DCC: variants seen among roughly 807,000 people sequenced by gnomAD.
The protein encoded by DCC is DCC netrin 1 receptor, also known as netrin receptor DCC.
In DCC, 58 loss-of-function variants were observed where a neutral mutation model predicts 172.5. That is an observed-to-expected ratio of 0.34 (90% CI 0.27 to 0.42). DCC has a LOEUF of 0.42. Ranked by LOEUF, DCC falls within the 10% of genes least tolerant of loss-of-function variation. The probability of loss-of-function intolerance (pLI) is 1.00; values close to 1 mark genes in which losing one functional copy is unlikely to be tolerated. For missense variants in DCC, 1,740 were observed against 1,791.0 expected (o/e 0.97, Z 0.51); for synonymous variants, 709 against 644.5 (o/e 1.10, Z -1.52).
At chr18:53,396,935 T>C (rs17414727) in intron 17 of DCC, among the ~76,000 whole-genome samples, 64,462 of 151,754 alleles carry the variant, frequency 0.42, 15,453 homozygotes, top group Non-Finnish European at 0.55. Context: ...GTATTTAACT[T>C]TGAAAAAAGA....
intron 16 of DCC, among the ~76,000 whole-genome samples, chr18:53,387,102 G>C (rs1410377916): frequency 6.6e-6 from 1 of 152,218 alleles, no homozygotes; most frequent in African/African-American, 2.4e-5. Flanking sequence ...GAGAACGTGA[G>C]ATGTTACTGA....
intron 2 of DCC, among the ~76,000 whole-genome samples, chr18:52,901,385 G>A (rs1013010738): frequency 2.0e-5 from 3 of 152,078 alleles, no homozygotes; most frequent in African/African-American, 7.2e-5. Flanking sequence ...AGCTGAGATC[G>A]TGCCAACACA....
chr18:53,101,163 C>T (rs938289216), intron 7 of DCC, among the ~76,000 whole-genome samples: 3 of 152,098 alleles, frequency 2.0e-5, no homozygotes, highest in Non-Finnish European at 2.9e-5. Context: ...ACAGAGGCAT[C>T]TCCTTCCAGC....
intron 5 of DCC, among the ~76,000 whole-genome samples, chr18:53,050,539 C>T (rs1440865823): frequency 6.6e-6 from 1 of 151,982 alleles, no homozygotes; most frequent in African/African-American, 2.4e-5. Context: ...TGTGGCAATT[C>T]TGAATGGGAT....
intron 23 of DCC, among the ~76,000 whole-genome samples, chr18:53,456,225 G>A (rs1038298491): frequency 1.2e-4 from 18 of 152,308 alleles, no homozygotes; most frequent in Non-Finnish European, 2.4e-4. Flanking sequence ...TTGCAAGTTA[G>A]GATTTTGAAG....
intron 1 of DCC, among the ~76,000 whole-genome samples, chr18:52,584,030 T>G (rs1172505163): frequency 6.6e-6 from 1 of 152,198 alleles, no homozygotes; most frequent in East Asian, 1.9e-4. Context: ...TGAAACAGCA[T>G]TTTTTTCATA....
At chr18:52,574,930 G>A (rs769473037) in intron 1 of DCC, among the ~76,000 whole-genome samples, 1 of 152,082 alleles carries the variant, frequency 6.6e-6, no homozygotes, top group Non-Finnish European at 1.5e-5. Flanking sequence ...CAAAGTCATA[G>A]ACCTTCTGAA....
intron 1 of DCC, among the ~76,000 whole-genome samples, chr18:52,527,311 G>A (rs2032012708): frequency 6.6e-6 from 1 of 152,154 alleles, no homozygotes; most frequent in African/African-American, 2.4e-5. Flanking sequence ...AACAAACATA[G>A]CCTTTTTTGA....
At chr18:52,933,290 A>G (rs2040334650) in intron 5 of DCC, among the ~76,000 whole-genome samples, 1 of 152,054 alleles carries the variant, frequency 6.6e-6, no homozygotes, top group African/African-American at 2.4e-5. Flanking sequence ...CCAAGCCTCA[A>G]GGATAGGTAG....
chr18:53,174,332 A>G (rs2144456942), intron 8 of DCC, among the ~76,000 whole-genome samples: 1 of 150,272 alleles, frequency 6.7e-6, no homozygotes, highest in African/African-American at 2.5e-5. Flanking sequence ...CTAAAATCAG[A>G]GCAGAATTGA....
At chr18:53,366,497 G>T (rs1331811926) in intron 15 of DCC, among the ~76,000 whole-genome samples, 1 of 152,102 alleles carries the variant, frequency 6.6e-6, no homozygotes, top group Admixed American at 6.6e-5. Flanking sequence ...TAAAGAAATG[G>T]CCCATGACTT....
intron 21 of DCC, among the ~76,000 whole-genome samples, chr18:53,420,478 C>A (rs192850316): frequency 1.8e-4 from 28 of 152,248 alleles, no homozygotes; most frequent in Non-Finnish European, 3.8e-4. Context: ...ACGCTATATA[C>A]TGGGTGGGTT....
At chr18:52,581,761 A>C (rs1199581174) in intron 1 of DCC, among the ~76,000 whole-genome samples, 1 of 152,110 alleles carries the variant, frequency 6.6e-6, no homozygotes, top group Non-Finnish European at 1.5e-5. Context: ...AGTGATTCTG[A>C]GTTAAACTTT....
intron 2 of DCC, among the ~76,000 whole-genome samples, chr18:52,831,036 A>G (rs1420850910): frequency 6.6e-6 from 1 of 152,164 alleles, no homozygotes; most frequent in East Asian, 1.9e-4. Context: ...CATTCTGATC[A>G]GGCTTTATTA....
intron 1 of DCC, among the ~76,000 whole-genome samples, chr18:52,548,180 A>G (rs527546045): frequency 6.6e-6 from 1 of 152,250 alleles, no homozygotes; most frequent in South Asian, 2.1e-4. Flanking sequence ...CAAATTTCCA[A>G]TTTGTTGCCT....
chr18:52,358,705 A>C (rs1183114848), intron 1 of DCC, among the ~76,000 whole-genome samples: 1 of 152,048 alleles, frequency 6.6e-6, no homozygotes, highest in South Asian at 2.1e-4. Context: ...CTTTCCTTAC[A>C]TGTTTCTAGG....
At position 52,381,339 on chromosome 18, in the gene DCC, A is replaced by G. The variant is rs541411980; in HGVS notation, c.91+40461A>G. The stretch of plus-strand genomic sequence containing the variant: ...TAGAAAGAAAGGACAATTTTTTAGC[A>G]TCTAAGGGTGGAATCTTGTTATGCT... On this transcript the variant is annotated intron_variant, in intron 1 of 28. Transcript: ENST00000442544. Among the ~76,000 whole-genome samples the G allele has an allele frequency of 3.9e-5, 6 of 152,270 alleles. No homozygotes were observed. The South Asian group carries it at 1.2e-3, about 32-fold the overall frequency.
At chr18:53,102,797 G>T (rs900646024) in intron 7 of DCC, among the ~76,000 whole-genome samples, 1 of 151,906 alleles carries the variant, frequency 6.6e-6, no homozygotes, top group African/African-American at 2.4e-5. Flanking sequence ...TTCAGAATGG[G>T]TTATTACAGA....
intron 1 of DCC, among the ~76,000 whole-genome samples, chr18:52,441,602 A>G (rs543564223): frequency 6.6e-6 from 1 of 152,238 alleles, no homozygotes; most frequent in Admixed American, 6.5e-5. Context: ...TAGCATTTTC[A>G]TCTTCTTCAG....
Sources: gnomAD v4.1 joint callset for allele counts (sites outside exome capture counted in the v4.1 genomes callset) on GRCh38, gnomAD v4.1.1 for gene constraint, MANE v1.5 for transcripts, NCBI Gene and HGNC (gene_info 2026-07-23, HGNC 2026-07-21) for gene names.